ARL10: variants seen among roughly 807,000 people sequenced by gnomAD.
ARL10 encodes the protein ARF like GTPase 10.
A neutral mutation model predicts 26.1 loss-of-function variants in ARL10; 23 were observed. The observed-to-expected ratio is 0.88, with a 90% CI of 0.63 to 1.25. The LOEUF is 1.25. Among genes scored for constraint, ARL10 ranks in the 50% most tolerant of loss-of-function variants. The pLI, the probability that ARL10 is intolerant of heterozygous loss-of-function variation, is 0.00. For missense variants in ARL10, 300 were observed against 323.6 expected (o/e 0.93, Z 0.56); for synonymous variants, 138 against 149.1 (o/e 0.93, Z 0.54).
downstream of ARL10, among the ~76,000 whole-genome samples, chr5:176,393,629 A>C (rs1415773085): frequency 6.6e-6 from 1 of 152,098 alleles, no homozygotes; most frequent in African/African-American, 2.4e-5. The surrounding 1 kb of genome is among the most constrained non-coding windows in gnomAD (Gnocchi z 4.4). Flanking sequence ...GTAGCCCAGA[A>C]CCACCACTGT....
At chr5:176,403,462 T>G (rs919960409), downstream of ARL10, among the ~76,000 whole-genome samples, 5 of 150,946 alleles carry the variant, frequency 3.3e-5, no homozygotes, top group African/African-American at 9.8e-5. Context: ...GTTTTGTTTT[T>G]TTTCTTTTTT....
chr5:176,386,442 C>A, downstream of ARL10: 5 of 293,706 alleles, frequency 1.7e-5, no homozygotes, highest in South Asian at 3.2e-5. Flanking sequence ...TCCGTTTTAG[C>A]GTTCACTCTC....
Position 176,371,973 on chromosome 5 carries a change from G to T in ARL10, c.*78G>T. The T allele has an allele frequency of 6.5e-7, 1 of 1,534,296 alleles. No individual in the cohort carries two copies. The highest frequency in any genetic ancestry group is 8.8e-7 in the Non-Finnish European group (1 of 1,139,296). On this transcript the variant is annotated 3_prime_UTR_variant, in exon 4 of 4. Transcript: ENST00000310389. The stretch of plus-strand genomic sequence containing the variant: ...GCTGCTTCATTGCCAGACTGGGCCT[G>T]GGGCAAGAGCCACATGGCAGCATTT...
At chr5:176,388,515 G>A (rs1359686985) in exon 2 of ARL10, 10 of 1,613,534 alleles carry the variant, frequency 6.2e-6, no homozygotes, top group East Asian at 2.2e-5. Context: ...TTCTGCCTCC[G>A]GGTTTTGCCC....
chr5:176,369,619 A>G (rs1201565413), intron 3 of ARL10, among the ~76,000 whole-genome samples: 1 of 152,142 alleles, frequency 6.6e-6, no homozygotes, highest in African/African-American at 2.4e-5. Context: ...TATAGATGGG[A>G]CAGGCTAGTC....
the ARL10 span, among the ~76,000 whole-genome samples, chr5:176,412,710 G>T: frequency 1.3e-5 from 2 of 152,142 alleles, no homozygotes; most frequent in Non-Finnish European, 2.9e-5. Context: ...TGCTTTCAGA[G>T]TCAACCAGTG....
chr5:176,409,203 C>G, the ARL10 span, among the ~76,000 whole-genome samples: 1 of 150,210 alleles, frequency 6.7e-6, no homozygotes, highest in African/African-American at 2.4e-5. Flanking sequence ...CTCAATCTTC[C>G]AACCTCATGA....
chr5:176,370,813 T>C (rs1033507929), intron 3 of ARL10, among the ~76,000 whole-genome samples: 7 of 152,230 alleles, frequency 4.6e-5, no homozygotes, highest in Non-Finnish European at 8.8e-5. Context: ...AGTCATGCTG[T>C]GTAGTGGTCC....
At position 176,374,694 on chromosome 5, in the gene ARL10, G is replaced by A. The variant is rs1215477999; in HGVS notation, c.*2799G>A. On this transcript the variant is annotated 3_prime_UTR_variant, in exon 4 of 4. Coordinates refer to ENST00000310389, the MANE Select transcript of ARL10 (RefSeq NM_173664.6). ...CACTATGAAGTACCTTAATTGTAAA[G>A]TGTTTGATTTTTTAGTTAGCTTTTG... 3 of 152,214 alleles carry A rather than the reference G, an allele frequency of 2.0e-5. No homozygotes were observed. Among genetic ancestry groups the A allele is most frequent in the Non-Finnish European group, 4.4e-5 (3 of 68,034 alleles). 9.4% of individuals were successfully genotyped at this position (152,214 alleles called of 1,614,324 possible). A position where few individuals can be genotyped will look rare whatever the true frequency, so the allele number is the denominator to read the frequency against.
At chr5:176,401,219 G>A (rs891398021) in intron 1 of ARL10, among the ~76,000 whole-genome samples, 1 of 152,202 alleles carries the variant, frequency 6.6e-6, no homozygotes, top group Non-Finnish European at 1.5e-5. Context: ...CAAACCTACC[G>A]AGCCTTCCAT....
chr5:176,374,696 G>A lies in ARL10; in HGVS notation c.*2801G>A, dbSNP rs1410031135. 2 of 152,188 alleles carry A rather than the reference G, an allele frequency of 1.3e-5. No individual in the cohort carries two copies. Among genetic ancestry groups the A allele is most frequent in the African/African-American group, 2.4e-5 (1 of 41,448 alleles). The allele number at this position is 152,188 out of a possible 1,614,324, so 9.4% of individuals were successfully genotyped here. On this transcript the variant is annotated 3_prime_UTR_variant, in exon 4 of 4. Transcript: ENST00000310389. ...CTATGAAGTACCTTAATTGTAAAGTGTTTGATTTTTTAGTTAGCTTTTGGT... is the reference window on the plus strand; with the variant it reads ...CTATGAAGTACCTTAATTGTAAAGTATTTGATTTTTTAGTTAGCTTTTGGT...
rs1014832832 is a variant in ARL10 at position 176,368,158 on chromosome 5, A to G, written c.386-649A>G. 5.0e-6 allele frequency: 2 copies of G among 403,672 alleles called. No homozygotes were observed. Among genetic ancestry groups the G allele is most frequent in the Non-Finnish European group, 9.7e-6 (2 of 206,482 alleles). The allele number at this position is 403,672 out of a possible 1,614,324, so 25.0% of individuals were successfully genotyped here. The stretch of plus-strand genomic sequence containing the variant: ...ACTGTGCAGAGGAGCAGAGAGGAAA[A>G]GAAAGGTGATCCAGGCTGGGGGACT... On this transcript the variant is annotated intron_variant, in intron 2 of 3. Transcript: ENST00000310389. The surrounding 1 kb of genome is among the most constrained non-coding windows in gnomAD (Gnocchi z 4.1).
chr5:176,365,763 G>A lies in ARL10; in HGVS notation c.183+17G>A. On this transcript the variant is annotated intron_variant, in intron 1 of 3. Transcript: ENST00000310389. ...GAGTGGGACGTGAGTGCCGGGCCGA[G>A]GCCTGCGGAAGGGCGGGCAGGCTGG... 1 of 1,234,052 alleles carries A rather than the reference G, an allele frequency of 8.1e-7. No individual in the cohort carries two copies. The highest frequency in any genetic ancestry group is 1.6e-5 in the African/African-American group (1 of 64,472). The allele number at this position is 1,234,052 out of a possible 1,614,324, so 76.4% of individuals were successfully genotyped here.
intron 1 of ARL10, chr5:176,397,790 G>A (rs1756617734): frequency 6.5e-7 from 1 of 1,535,668 alleles, no homozygotes; most frequent in Non-Finnish European, 9.0e-7. Context: ...CTCCTCCCCT[G>A]GCCCCTGCCA....
chr5:176,395,933 G>A (rs1330768547), intron 1 of ARL10, among the ~76,000 whole-genome samples: 2 of 152,100 alleles, frequency 1.3e-5, no homozygotes, highest in Non-Finnish European at 2.9e-5. Context: ...TCAGGAGTTC[G>A]AGACCAGCCT....
At chr5:176,392,693 A>C (rs1031689656), downstream of ARL10, 23 of 1,507,634 alleles carry the variant, frequency 1.5e-5, no homozygotes, top group Non-Finnish European at 2.0e-5. This position sits in a 1 kb window ranked among gnomAD's most constrained non-coding sequence, Gnocchi z 5.2. Flanking sequence ...AGCTGCTGCG[A>C]GTCTCCACCC....
chr5:176,388,774 G>A (rs570061188), downstream of ARL10: 36 of 1,597,584 alleles, frequency 2.3e-5, no homozygotes, highest in Non-Finnish European at 2.8e-5. Context: ...TTCACCGGGA[G>A]GCTGAGGTCG....
chr5:176,412,881 G>A, the ARL10 span, among the ~76,000 whole-genome samples: 1 of 152,094 alleles, frequency 6.6e-6, no homozygotes, highest in Non-Finnish European at 1.5e-5. Flanking sequence ...TCCTCTAGCA[G>A]GGCCTCACGT....
chr5:176,401,644 G>A (rs1419591687), intron 1 of ARL10: 1 of 442,298 alleles, frequency 2.3e-6, no homozygotes, highest in Non-Finnish European at 4.6e-6. Flanking sequence ...AGAAAGGGCA[G>A]TGGGGGCTGC....
Sources: gnomAD v4.1 joint callset for allele counts (sites outside exome capture counted in the v4.1 genomes callset) on GRCh38, gnomAD v4.1.1 for gene constraint, Gnocchi (gnomAD v3.1) non-coding constraint, MANE v1.5 for transcripts, NCBI Gene and HGNC (gene_info 2026-07-23, HGNC 2026-07-21) for gene names.